UBE2E2: variants seen among roughly 807,000 people sequenced by gnomAD.
UBE2E2 encodes ubiquitin conjugating enzyme E2 E2, also known as ubiquitin-conjugating enzyme E2 E2.
In UBE2E2, 6 loss-of-function variants were observed where a neutral mutation model predicts 24.7. That is an observed-to-expected ratio of 0.24 (90% confidence interval 0.13 to 0.48). UBE2E2 has a LOEUF of 0.48. Ranked by LOEUF, UBE2E2 falls within the 20% of genes least tolerant of loss-of-function variation. The pLI is 0.99. For synonymous variants in UBE2E2, 104 were observed against 83.6 expected, an observed-to-expected ratio of 1.24 and a Z score of -1.33; for missense variants, 169 against 245.0, an observed-to-expected ratio of 0.69 and a Z score of 2.07.
At chr3:23,269,426 A>G (rs138816078) in intron 3 of UBE2E2, among the ~76,000 whole-genome samples, 14 of 152,170 alleles carry the variant, frequency 9.2e-5, no homozygotes, top group African/African-American at 2.2e-4. Context: ...TTGGGGCTCT[A>G]TTGCTCTTGG....
At chr3:23,230,444 A>G (rs962849249) in intron 3 of UBE2E2, among the ~76,000 whole-genome samples, 1 of 152,206 alleles carries the variant, frequency 6.6e-6, no homozygotes, top group Non-Finnish European at 1.5e-5. Flanking sequence ...TAGAAAACTC[A>G]TAAATAAGGA....
rs1694776054 is a variant in UBE2E2, at chr3:23,517,804, G to A, written c.361-14750G>A. ...TTGTTTGCTTCTAAAAGGTGGTATT[G>A]TTATACCACAGCAGACAATTTTCTA... On this transcript the variant is annotated intron_variant, in intron 4 of 5. Transcript: ENST00000396703. Among the ~76,000 whole-genome samples the A allele has an allele frequency of 5.3e-5, 8 of 152,064 alleles. No individual in the cohort carries two copies. In the South Asian group the frequency reaches 1.7e-3, roughly 32 times the overall value.
chr3:23,542,710 A>C (rs1378608086), intron 5 of UBE2E2, among the ~76,000 whole-genome samples: 1 of 152,192 alleles, frequency 6.6e-6, no homozygotes, highest in African/African-American at 2.4e-5. Context: ...ATTTTTAAAA[A>C]TCAGTCGTCT....
chr3:23,410,637 T>C (rs1697476227), intron 3 of UBE2E2, among the ~76,000 whole-genome samples: 1 of 152,220 alleles, frequency 6.6e-6, no homozygotes, highest in African/African-American at 2.4e-5. Context: ...GAATATGTAT[T>C]ATCTGCCCTT....
chr3:23,541,548 A>G (rs576240779), intron 5 of UBE2E2, among the ~76,000 whole-genome samples: 133 of 152,332 alleles, frequency 8.7e-4, no homozygotes, highest in African/African-American at 2.9e-3. Context: ...TTCTTTCTGG[A>G]GCAGGTCTGT....
intron 3 of UBE2E2, chr3:23,449,867 C>T: frequency 1.0e-6 from 1 of 985,456 alleles, no homozygotes; most frequent in Non-Finnish European, 1.2e-6. Flanking sequence ...GAAACCCCAG[C>T]CCTATAATGG....
At chr3:23,517,435 G>A (rs1012426483) in intron 4 of UBE2E2, among the ~76,000 whole-genome samples, 2 of 152,084 alleles carry the variant, frequency 1.3e-5, no homozygotes, top group Non-Finnish European at 2.9e-5. Context: ...CCAAAAAGAA[G>A]GCACTGTAAA....
chr3:23,377,680 C>T (rs1207763231), intron 3 of UBE2E2, among the ~76,000 whole-genome samples: 2 of 152,186 alleles, frequency 1.3e-5, no homozygotes, highest in Non-Finnish European at 2.9e-5. Context: ...TCCCTGTTCT[C>T]CTTAAGGGCT....
At chr3:23,289,427 G>A (rs759985687) in intron 3 of UBE2E2, among the ~76,000 whole-genome samples, 22 of 152,174 alleles carry the variant, frequency 1.4e-4, no homozygotes, top group Non-Finnish European at 2.8e-4. Flanking sequence ...GGCATTCTTT[G>A]CAGACATACC....
chr3:23,310,146 A>G (rs1192047562), intron 3 of UBE2E2, among the ~76,000 whole-genome samples: 1 of 152,054 alleles, frequency 6.6e-6, no homozygotes, highest in Non-Finnish European at 1.5e-5. Context: ...ACAATATAAC[A>G]CCTTTCCTTT....
intron 3 of UBE2E2, among the ~76,000 whole-genome samples, chr3:23,492,128 G>T (rs1178415825): frequency 6.6e-6 from 1 of 152,154 alleles, no homozygotes; most frequent in Admixed American, 6.5e-5. Flanking sequence ...AAACAACATG[G>T]AGTAGAACCC....
intron 2 of UBE2E2, among the ~76,000 whole-genome samples, chr3:23,211,791 T>A (rs1055025328): frequency 1.3e-5 from 2 of 152,158 alleles, no homozygotes; most frequent in Non-Finnish European, 2.9e-5. Context: ...AAGGTTCTTG[T>A]GAGGACTAAA....
intron 5 of UBE2E2, among the ~76,000 whole-genome samples, chr3:23,579,126 C>T (rs1696410404): frequency 6.6e-6 from 1 of 152,174 alleles, no homozygotes; most frequent in Non-Finnish European, 1.5e-5. Flanking sequence ...GGCGTGGTGG[C>T]TCATGCCTAT....
chr3:23,263,338 C>CA (rs1248285945), intron 3 of UBE2E2, among the ~76,000 whole-genome samples: 1 of 152,248 alleles, frequency 6.6e-6, no homozygotes, highest in East Asian at 1.9e-4. Flanking sequence ...ACTATTTACA[C>CA]AAAGATCTTT....
chr3:23,569,809 AT>A (rs998487338), intron 5 of UBE2E2, among the ~76,000 whole-genome samples: 5 of 152,198 alleles, frequency 3.3e-5, no homozygotes, highest in Admixed American at 3.3e-4. Flanking sequence ...TAGCACTGCT[AT>A]ATAGACTTAC....
At chr3:23,581,020 T>A (rs965715288) in intron 5 of UBE2E2, among the ~76,000 whole-genome samples, 6 of 152,206 alleles carry the variant, frequency 3.9e-5, no homozygotes, top group African/African-American at 1.4e-4. Flanking sequence ...GCAAAGGGCT[T>A]TTATTTCAGG....
intron 3 of UBE2E2, among the ~76,000 whole-genome samples, chr3:23,288,435 G>T (rs762647678): frequency 2.0e-5 from 3 of 152,106 alleles, no homozygotes. Flanking sequence ...GGTCCATTTT[G>T]TCTACAGTGC....
At chr3:23,349,457 G>A (rs1253552076) in intron 3 of UBE2E2, among the ~76,000 whole-genome samples, 1 of 152,212 alleles carries the variant, frequency 6.6e-6, no homozygotes, top group African/African-American at 2.4e-5. Context: ...AGCGCAAGGG[G>A]TCAGGGAGTT....
intron 5 of UBE2E2, among the ~76,000 whole-genome samples, chr3:23,578,164 G>A (rs1696390647): frequency 6.6e-6 from 1 of 152,026 alleles, no homozygotes; most frequent in South Asian, 2.1e-4. Context: ...CATACGTGTG[G>A]CCAATAAAAA....
Sources: allele counts gnomAD v4.1 joint callset (sites outside exome capture counted in the v4.1 genomes callset), GRCh38; gene constraint gnomAD v4.1.1; transcripts MANE v1.5; gene names NCBI Gene and HGNC (gene_info 2026-07-23, HGNC 2026-07-21).